Variants in LRRC7 observed in about 807,000 individuals in gnomAD.
LRRC7 encodes leucine rich repeat containing 7, also known as leucine-rich repeat-containing protein 7.
LRRC7 carries 23 observed loss-of-function variants against 175.7 expected under a neutral mutation model. That is an observed-to-expected ratio of 0.13 (90% CI 0.09 to 0.19). The LOEUF is 0.19. Ranked by LOEUF, LRRC7 falls within the 10% of genes least tolerant of loss-of-function variation. The pLI is 1.00. For synonymous variants in LRRC7, 685 were observed against 680.9 expected (o/e 1.01, Z -0.09); for missense variants, 1,354 against 1,904.7 (o/e 0.71, Z 5.38).
chr1:69,612,238 G>A (rs374638832), intron 1 of LRRC7, among the ~76,000 whole-genome samples: 1 of 152,028 alleles, frequency 6.6e-6, no homozygotes, highest in South Asian at 2.1e-4. Flanking sequence ...ATATTTTTCA[G>A]ACTTAAGAAT....
chr1:70,052,505 T>A (rs1358548034), intron 22 of LRRC7, among the ~76,000 whole-genome samples: 1 of 152,110 alleles, frequency 6.6e-6, no homozygotes, highest in Non-Finnish European at 1.5e-5. Context: ...AACGCCATAG[T>A]ACCATAAATC....
chr1:69,910,253 A>C (rs1646480248), intron 7 of LRRC7, among the ~76,000 whole-genome samples: 1 of 152,094 alleles, frequency 6.6e-6, no homozygotes, highest in Non-Finnish European at 1.5e-5. Context: ...TTGGAGGAGG[A>C]GAGGTGCTCT....
chr1:69,859,092 C>A (rs1010593155), intron 7 of LRRC7, among the ~76,000 whole-genome samples: 1 of 152,058 alleles, frequency 6.6e-6, no homozygotes, highest in African/African-American at 2.4e-5. Context: ...TATTCATAAA[C>A]AGAAATAAAT....
chr1:69,931,413 A>G (rs940972883), intron 7 of LRRC7, 94 bp from the exon 8 acceptor site: 4 of 941,490 alleles, frequency 4.2e-6, no homozygotes, highest in Non-Finnish European at 6.8e-6. Flanking sequence ...GTACTACGCA[A>G]TCAGGTAAAT....
chr1:69,686,615 A>C (rs894926985), intron 2 of LRRC7, among the ~76,000 whole-genome samples: 1 of 152,164 alleles, frequency 6.6e-6, no homozygotes, highest in Non-Finnish European at 1.5e-5. Context: ...AAAACATTAT[A>C]AGTAAATCAA....
At chr1:69,812,137 T>A (rs183436966) in intron 4 of LRRC7, among the ~76,000 whole-genome samples, 1 of 152,266 alleles carries the variant, frequency 6.6e-6, no homozygotes, top group East Asian at 1.9e-4. Context: ...CTGGTTGTGC[T>A]TTAAACACGG....
At chr1:70,007,931 G>T (rs1656132899) in intron 11 of LRRC7, among the ~76,000 whole-genome samples, 1 of 152,010 alleles carries the variant, frequency 6.6e-6, no homozygotes, top group Non-Finnish European at 1.5e-5. Flanking sequence ...ACTATTTCTT[G>T]TATGATTTCA....
chr1:69,810,852 T>A (rs941374703), intron 4 of LRRC7, among the ~76,000 whole-genome samples: 1 of 151,980 alleles, frequency 6.6e-6, no homozygotes, highest in African/African-American at 2.4e-5. Flanking sequence ...CCATTCAGGA[T>A]ATAGGCATGG....
At chr1:69,799,201 AT>A (rs1353388921) in intron 4 of LRRC7, among the ~76,000 whole-genome samples, 1 of 151,564 alleles carries the variant, frequency 6.6e-6, no homozygotes, top group Non-Finnish European at 1.5e-5. Flanking sequence ...GAAGTTGCCA[AT>A]TTATTTTTAA....
At chr1:69,983,423 T>C (rs1653633347) in intron 9 of LRRC7, among the ~76,000 whole-genome samples, 1 of 152,178 alleles carries the variant, frequency 6.6e-6, no homozygotes, top group Non-Finnish European at 1.5e-5. Flanking sequence ...AACTTTGGAG[T>C]GTTACTTGTA....
chr1:69,725,464 A>G (rs1666848954), intron 2 of LRRC7, among the ~76,000 whole-genome samples: 1 of 152,192 alleles, frequency 6.6e-6, no homozygotes, highest in South Asian at 2.1e-4. Context: ...ATAATATAAT[A>G]TTGTCCATGA....
intron 7 of LRRC7, among the ~76,000 whole-genome samples, chr1:69,845,657 G>A (rs1682275605): frequency 1.3e-5 from 2 of 151,732 alleles, no homozygotes; most frequent in East Asian, 1.9e-4. Context: ...TCATTTCAGT[G>A]TTCTATTAAT....
In LRRC7 at chr1:70,127,956, T is replaced by C. The variant is rs1666515048; in HGVS notation, c.*6069T>C. On this transcript the variant is annotated 3_prime_UTR_variant, in exon 27 of 27. Coordinates refer to ENST00000651989, the MANE Select transcript of LRRC7 (RefSeq NM_001370785.2). Reference sequence around the variant, plus strand: ...GAAAAAAAGACTTTTATGTGACTTTTTCTTTTCTTTCTTTTTTTTTCTTGA... The same window carrying C: ...GAAAAAAAGACTTTTATGTGACTTTCTCTTTTCTTTCTTTTTTTTTCTTGA... Among the ~76,000 whole-genome samples, 1 of 152,124 alleles carries C rather than the reference T, an allele frequency of 6.6e-6. No individual in the cohort carries two copies. The highest frequency in any genetic ancestry group is 2.1e-4 in the South Asian group (1 of 4,826).
chr1:69,852,920 C>T (rs1029027070), intron 7 of LRRC7, among the ~76,000 whole-genome samples: 1 of 152,028 alleles, frequency 6.6e-6, no homozygotes, highest in East Asian at 1.9e-4. Context: ...ATATTGTTGC[C>T]TGGTGAGCAA....
rs183453385 is a variant in LRRC7 at position 69,796,839 on chromosome 1, G to C, written c.421+4679G>C. Among the ~76,000 whole-genome samples the C allele has an allele frequency of 2.0e-5, 3 of 151,826 alleles. No individual in the cohort carries two copies. The East Asian group carries it at 5.8e-4, about 29-fold the overall frequency. Reference sequence around the variant, plus strand: ...ACAACAACAAAAAACAGACATTTCAGATGTCATTTACTCTAGGAAACTTCC... The same window carrying C: ...ACAACAACAAAAAACAGACATTTCACATGTCATTTACTCTAGGAAACTTCC... On this transcript the variant is annotated intron_variant, in intron 4 of 26. Transcript: ENST00000651989.
intron 8 of LRRC7, among the ~76,000 whole-genome samples, chr1:69,978,158 C>T (rs552545667): frequency 6.6e-6 from 1 of 152,244 alleles, no homozygotes; most frequent in South Asian, 2.1e-4. Context: ...ATTAGCCAGG[C>T]GTGGTGGCCT....
chr1:69,770,729 C>G (rs1014818333), intron 3 of LRRC7, among the ~76,000 whole-genome samples: 2 of 152,126 alleles, frequency 1.3e-5, no homozygotes. Context: ...ACACTAATTC[C>G]CTTAAGGGTT....
chr1:70,013,241 A>G (rs1656673452), intron 13 of LRRC7, 152 bp downstream of exon 13: 4 of 397,526 alleles, frequency 1.0e-5, no homozygotes, highest in Non-Finnish European at 1.8e-5. Context: ...AAGGTAAATT[A>G]TTTTTTAAAC....
chr1:69,600,272 G>C (rs1647000916), intron 1 of LRRC7, among the ~76,000 whole-genome samples: 2 of 152,150 alleles, frequency 1.3e-5, no homozygotes, highest in Admixed American at 6.6e-5. Flanking sequence ...GACTTCCTTA[G>C]TTTTTACCTA....
Sources: allele counts gnomAD v4.1 joint callset (sites outside exome capture counted in the v4.1 genomes callset), GRCh38; gene constraint gnomAD v4.1.1; transcripts MANE v1.5; gene names NCBI Gene and HGNC (gene_info 2026-07-23, HGNC 2026-07-21).